ATP8A1: variants seen among roughly 807,000 people sequenced by gnomAD.
ATP8A1 encodes phospholipid-transporting ATPase IA.
Under a neutral mutation model 177.7 loss-of-function variants are expected in ATP8A1, and 90 were observed. The observed-to-expected ratio is 0.51, with a 90% CI of 0.43 to 0.60. ATP8A1 has a LOEUF of 0.60. Ranked by LOEUF, ATP8A1 falls within the 20% of genes least tolerant of loss-of-function variation. The pLI is 0.00. For synonymous variants in ATP8A1, 493 were observed against 485.9 expected (o/e 1.01, Z -0.19); for missense variants, 1,072 against 1,392.8 (o/e 0.77, Z 3.67).
In ATP8A1 at chr4:42,423,664, C is replaced by G. The variant is rs1316689782; in HGVS notation, c.3165G>C (p.Leu1055Phe). Reference sequence around the variant, plus strand: ...GCAGAGATGCCACAGGGATGAATAACAAGCCCATCCAAAAGACTCCAGAAC... The same window carrying G: ...GCAGAGATGCCACAGGGATGAATAAGAAGCCCATCCAAAAGACTCCAGAAC... The part of the protein sequence containing the change: ...LFSSGVFWMG[L>F]LFIPVASLLL... Residue 1055 changes from leucine (L) to phenylalanine (F), a missense_variant, in exon 34 of 37, where the codon TTG (leucine) becomes TTC (phenylalanine). By Grantham distance (22) the Leu-to-Phe change is conservative. Transcript: ENST00000381668. 2.5e-6 allele frequency: 4 copies of G among 1,612,642 alleles called. No individual in the cohort carries two copies. The African/African-American group carries it at 5.3e-5, about 22-fold the overall frequency.
intron 18 of ATP8A1, among the ~76,000 whole-genome samples, chr4:42,550,961 A>G (rs1276131355): frequency 6.6e-6 from 1 of 152,204 alleles, no homozygotes; most frequent in African/African-American, 2.4e-5. Context: ...CCCTCATGTA[A>G]CAGAATCAGA....
At position 42,560,274 on chromosome 4, in the gene ATP8A1, C is replaced by T. The variant is rs868181245; in HGVS notation, c.1341-4234G>A. 1.2e-3 allele frequency among the ~76,000 whole-genome samples: 188 copies of T among 152,198 alleles called. 1 individual carries two copies. Among genetic ancestry groups the T allele is most frequent in the African/African-American group, 4.1e-3 (170 of 41,532 alleles). ...ATACACTTGAAATTAGTCACACAGG[C>T]TGTCTTTGGCAGGGGAAATGGAGGG... On this transcript the variant is annotated intron_variant, in intron 15 of 36. Coordinates refer to ENST00000381668, the MANE Select transcript of ATP8A1 (RefSeq NM_006095.2).
intron 30 of ATP8A1, 68 bp downstream of exon 30, chr4:42,451,913 T>C (rs568481331): frequency 1.5e-4 from 175 of 1,171,682 alleles, no homozygotes; most frequent in Non-Finnish European, 1.9e-4. Context: ...TAAACATACA[T>C]TGACAATGAG....
At chr4:42,443,188 T>C (rs1482654489) in intron 33 of ATP8A1, among the ~76,000 whole-genome samples, 2 of 152,214 alleles carry the variant, frequency 1.3e-5, no homozygotes, top group Admixed American at 1.3e-4. Flanking sequence ...GAAGAAATGA[T>C]AGACTGTCCC....
chr4:42,546,330 G>C (rs1669651401), intron 19 of ATP8A1, among the ~76,000 whole-genome samples: 1 of 148,966 alleles, frequency 6.7e-6, no homozygotes, highest in South Asian at 2.1e-4. Context: ...CTATTGCAAG[G>C]ACAAAAAACC....
intron 15 of ATP8A1, among the ~76,000 whole-genome samples, chr4:42,567,820 A>T (rs923906187): frequency 4.6e-5 from 7 of 152,238 alleles, no homozygotes; most frequent in African/African-American, 1.7e-4. Context: ...GAATATTTTG[A>T]ATGACGTGAG....
chr4:42,487,572 C>A (rs1722320576), intron 24 of ATP8A1, among the ~76,000 whole-genome samples: 1 of 151,784 alleles, frequency 6.6e-6, no homozygotes, highest in Non-Finnish European at 1.5e-5. Context: ...AAATACAGTA[C>A]ACTTATATAA....
intron 4 of ATP8A1, among the ~76,000 whole-genome samples, chr4:42,622,324 G>A (rs1737553902): frequency 1.3e-5 from 2 of 152,066 alleles, no homozygotes; most frequent in Non-Finnish European, 2.9e-5. Context: ...AGAGGTTGCA[G>A]TGAGCCAAGA....
intron 19 of ATP8A1, among the ~76,000 whole-genome samples, chr4:42,544,357 G>T (rs1388637451): frequency 6.6e-6 from 1 of 152,108 alleles, no homozygotes; most frequent in Non-Finnish European, 1.5e-5. Context: ...ATGAAAAATA[G>T]AAATATCAAT....
At chr4:42,543,781 T>C in intron 20 of ATP8A1, 136 bp downstream of exon 20, 1 of 606,768 alleles carries the variant, frequency 1.6e-6, no homozygotes, top group East Asian at 2.9e-5. Flanking sequence ...TGAACACTAT[T>C]ACTATAAAAC....
chr4:42,443,351 A>C (rs1716841171), intron 33 of ATP8A1, among the ~76,000 whole-genome samples: 1 of 152,226 alleles, frequency 6.6e-6, no homozygotes, highest in Non-Finnish European at 1.5e-5. Flanking sequence ...TGTTTATGAA[A>C]AGGTAAGTCA....
Position 42,410,773 on chromosome 4 carries a change from T to C in ATP8A1, c.*2143A>G, listed in dbSNP as rs1356197580. 1 of 152,150 alleles carries C rather than the reference T, an allele frequency of 6.6e-6. No individual in the cohort carries two copies. The highest frequency in any genetic ancestry group is 2.4e-5 in the African/African-American group (1 of 41,390). 9.4% of individuals were successfully genotyped at this position (152,150 alleles called of 1,614,324 possible). On this transcript the variant is annotated 3_prime_UTR_variant, in exon 37 of 37. Transcript: ENST00000381668. ...CACGTTTCAAGATTAAAATAAAACT[T>C]ACATTTTTAAGTCAGAAAATCCAGT...
intron 25 of ATP8A1, among the ~76,000 whole-genome samples, chr4:42,477,423 T>C (rs1310348581): frequency 6.6e-6 from 1 of 152,152 alleles, no homozygotes; most frequent in Non-Finnish European, 1.5e-5. Flanking sequence ...TGGAATAATG[T>C]GGCAATTCTG....
At chr4:42,471,679 A>G (rs944231237) in intron 25 of ATP8A1, 29 of 266,772 alleles carry the variant, frequency 1.1e-4, no homozygotes, top group African/African-American at 5.5e-4. Context: ...GTTTATCTAC[A>G]ATATTGCTGT....
At chr4:42,432,421 T>C (rs1416827233) in intron 33 of ATP8A1, among the ~76,000 whole-genome samples, 5 of 152,214 alleles carry the variant, frequency 3.3e-5, no homozygotes, top group Non-Finnish European at 7.3e-5. Context: ...CAAAATCAAC[T>C]CTGCTTTCAG....
chr4:42,638,436 G>C (rs145283853), intron 1 of ATP8A1, among the ~76,000 whole-genome samples: 13 of 152,314 alleles, frequency 8.5e-5, no homozygotes, highest in African/African-American at 3.1e-4. Context: ...TCAGAAGAAA[G>C]GATATCCTTA....
At chr4:42,655,721 C>T (rs544313950) in intron 1 of ATP8A1, among the ~76,000 whole-genome samples, 1 of 152,266 alleles carries the variant, frequency 6.6e-6, no homozygotes, top group South Asian at 2.1e-4. Flanking sequence ...ATACTGCAAT[C>T]AGAAAATTTC....
chr4:42,477,472 T>C (rs1721191262), intron 25 of ATP8A1, among the ~76,000 whole-genome samples: 1 of 152,206 alleles, frequency 6.6e-6, no homozygotes, highest in Middle Eastern at 3.4e-3. Flanking sequence ...AGCCAAGCAA[T>C]CCCATACCCA....
intron 1 of ATP8A1, among the ~76,000 whole-genome samples, chr4:42,655,731 C>A (rs1188568510): frequency 6.6e-6 from 1 of 152,146 alleles, no homozygotes; most frequent in East Asian, 1.9e-4. Flanking sequence ...CAGAAAATTT[C>A]AGGGACCCTA....
Sources: gnomAD v4.1 joint callset for allele counts (sites outside exome capture counted in the v4.1 genomes callset) on GRCh38, gnomAD v4.1.1 for gene constraint, MANE v1.5 for transcripts, NCBI Gene and HGNC (gene_info 2026-07-23, HGNC 2026-07-21) for gene names.